Variants in CNGB3 observed in about 807,000 individuals in gnomAD.
CNGB3 encodes cyclic nucleotide gated channel subunit beta 3, also known as cyclic nucleotide-gated channel beta-3.
CNGB3 carries 86 observed loss-of-function variants against 92.8 expected under a neutral mutation model. The observed-to-expected ratio is 0.93, with a 90% CI of 0.78 to 1.11. The LOEUF (loss-of-function observed/expected upper bound fraction) is 1.11, where lower values mean the gene tolerates loss of function less well. Ranked by LOEUF, CNGB3 falls within the 50% of genes least tolerant of loss-of-function variation. The pLI is 0.00. For missense variants in CNGB3, 1,026 were observed against 956.8 expected, an observed-to-expected ratio of 1.07 and a Z score of -0.95; for synonymous variants, 333 against 332.7, an observed-to-expected ratio of 1.00 and a Z score of -0.01.
At chr8:86,594,521 G>A in intron 15 of CNGB3, 1 of 325,186 alleles carries the variant, frequency 3.1e-6, no homozygotes, top group South Asian at 2.8e-5. Flanking sequence ...CTTGTCTTTG[G>A]CAGCCTCTTG....
chr8:86,703,880 C>T (rs1483734198), intron 3 of CNGB3: 1 of 151,864 alleles, frequency 6.6e-6, no homozygotes, highest in African/African-American at 2.4e-5. Context: ...TTCAAATTTA[C>T]TATTGTGGAC....
chr8:86,578,583 C>T, intron 17 of CNGB3, 106 bp downstream of exon 17: 2 of 1,086,478 alleles, frequency 1.8e-6, no homozygotes, highest in South Asian at 2.5e-5. Flanking sequence ...TTAGATTAGT[C>T]CAAATCATCC....
intron 15 of CNGB3, among the ~76,000 whole-genome samples, chr8:86,590,334 T>C (rs1822000372): frequency 6.6e-6 from 1 of 152,152 alleles, no homozygotes; most frequent in South Asian, 2.1e-4. Flanking sequence ...ATTTAGTCCA[T>C]TTACATTTAA....
At chr8:86,708,963 T>G (rs994403514) in intron 3 of CNGB3, among the ~76,000 whole-genome samples, 1 of 152,052 alleles carries the variant, frequency 6.6e-6, no homozygotes, top group Non-Finnish European at 1.5e-5. Context: ...TTTGCTGTAG[T>G]GGGGAATAGA....
chr8:86,681,351 A>G (rs1453600932), intron 3 of CNGB3, among the ~76,000 whole-genome samples: 1 of 152,232 alleles, frequency 6.6e-6, no homozygotes, highest in African/African-American at 2.4e-5. Flanking sequence ...CCGAATGAAC[A>G]CAACAGAGGA....
intron 3 of CNGB3, among the ~76,000 whole-genome samples, chr8:86,679,761 G>C (rs1464197533): frequency 1.3e-5 from 2 of 152,052 alleles, no homozygotes; most frequent in African/African-American, 4.8e-5. Flanking sequence ...CCTAACCTCA[G>C]GTGATCCGCC....
chr8:86,705,537 G>A (rs1233319981), intron 3 of CNGB3, among the ~76,000 whole-genome samples: 1 of 151,936 alleles, frequency 6.6e-6, no homozygotes, highest in Non-Finnish European at 1.5e-5. Flanking sequence ...ATCTGGGTGG[G>A]CCCAATATAA....
At position 86,666,786 on chromosome 8, in the gene CNGB3, GTTA is replaced by G; in HGVS notation, c.852+136_852+138del. On this transcript the variant is annotated intron_variant, in intron 6 of 17. Coordinates refer to ENST00000320005, the MANE Select transcript of CNGB3 (RefSeq NM_019098.5). The stretch of plus-strand genomic sequence containing the variant: ...ATGGCTGTTTTATAATTGTTTTCTT[GTTA>G]TTATTGCTCATGACTTCTTGCAATT... 5 of 748,036 alleles carry G rather than the reference GTTA, an allele frequency of 6.7e-6. No individual in the cohort carries two copies. The South Asian group carries it at 7.4e-5, about 11-fold the overall frequency. 46.3% of individuals were successfully genotyped at this position (748,036 alleles called of 1,614,324 possible).
intron 2 of CNGB3, among the ~76,000 whole-genome samples, chr8:86,738,124 G>T (rs941303915): frequency 6.6e-6 from 1 of 152,094 alleles, no homozygotes; most frequent in Non-Finnish European, 1.5e-5. Flanking sequence ...CAAAACATTT[G>T]TGCTAGTTTT....
chr8:86,611,765 T>C (rs1461917469), intron 13 of CNGB3, 94 bp from the exon 14 acceptor site: 5 of 909,936 alleles, frequency 5.5e-6, no homozygotes, highest in African/African-American at 5.0e-5. Context: ...GTAATATATA[T>C]TGTCTGCATT....
At chr8:86,628,847 T>C in intron 12 of CNGB3, 72 bp downstream of exon 12, 1 of 1,515,808 alleles carries the variant, frequency 6.6e-7, no homozygotes. Context: ...CCAACTAGTC[T>C]CTGCTACCTT....
chr8:86,710,106 A>G (rs1190019536), intron 3 of CNGB3, among the ~76,000 whole-genome samples: 1 of 152,180 alleles, frequency 6.6e-6, no homozygotes, highest in Non-Finnish European at 1.5e-5. Context: ...GGAAGGAGAC[A>G]GTATGGGGGT....
intron 3 of CNGB3, 24 bp downstream of exon 3, chr8:86,726,507 T>G: frequency 6.2e-7 from 1 of 1,613,478 alleles, no homozygotes; most frequent in Non-Finnish European, 8.5e-7. Context: ...CTAAAATATG[T>G]TGTGTGTTTT....
At chr8:86,724,196 G>A (rs1381508381) in intron 3 of CNGB3, among the ~76,000 whole-genome samples, 1 of 152,152 alleles carries the variant, frequency 6.6e-6, no homozygotes, top group Admixed American at 6.6e-5. Flanking sequence ...CTTAAAAAAA[G>A]TCTTCTGGAT....
chr8:86,615,697 C>G (rs115868883), intron 13 of CNGB3, among the ~76,000 whole-genome samples: 2,251 of 152,004 alleles, frequency 0.015, 55 homozygotes, highest in African/African-American at 0.05. Context: ...ATAGTGTGGT[C>G]TGAATATAGA....
At chr8:86,581,196 C>T (rs1343999653) in intron 15 of CNGB3, among the ~76,000 whole-genome samples, 1 of 152,202 alleles carries the variant, frequency 6.6e-6, no homozygotes, top group East Asian at 1.9e-4. Context: ...CAAACTACCG[C>T]CCCCAAATCT....
chr8:86,723,443 G>A (rs1756341776), intron 3 of CNGB3, among the ~76,000 whole-genome samples: 1 of 151,976 alleles, frequency 6.6e-6, no homozygotes, highest in South Asian at 2.1e-4. Flanking sequence ...TTTAACAACT[G>A]AAAATATAAA....
At chr8:86,627,751 A>G (rs755382798) in intron 12 of CNGB3, among the ~76,000 whole-genome samples, 1 of 152,198 alleles carries the variant, frequency 6.6e-6, no homozygotes, top group South Asian at 2.1e-4. Context: ...CATGGAAGCA[A>G]TTGTGTGCCC....
intron 13 of CNGB3, among the ~76,000 whole-genome samples, chr8:86,624,344 G>A (rs545128978): frequency 1.4e-4 from 22 of 152,244 alleles, no homozygotes; most frequent in African/African-American, 4.1e-4. Context: ...ACTTGAACCC[G>A]GGAGGCAGAG....
Sources: allele counts gnomAD v4.1 joint callset (sites outside exome capture counted in the v4.1 genomes callset), GRCh38; gene constraint gnomAD v4.1.1; transcripts MANE v1.5; gene names NCBI Gene and HGNC (gene_info 2026-07-23, HGNC 2026-07-21).